Variants in ZNF652 observed in about 807,000 individuals in gnomAD.
ZNF652 encodes zinc finger protein 652.
In ZNF652, 16 loss-of-function variants were observed where a neutral mutation model predicts 45.2. That is an observed-to-expected ratio of 0.35 (90% CI 0.24 to 0.54). The LOEUF (loss-of-function observed/expected upper bound fraction) is 0.54, where lower values mean the gene tolerates loss of function less well. Ranked by LOEUF, ZNF652 falls within the 20% of genes least tolerant of loss-of-function variation. The pLI is 0.91. For synonymous variants in ZNF652, 250 were observed against 260.6 expected, an observed-to-expected ratio of 0.96 and a Z score of 0.39; for missense variants, 614 against 765.6, an observed-to-expected ratio of 0.80 and a Z score of 2.34.
intron 2 of ZNF652, among the ~76,000 whole-genome samples, chr17:49,315,599 C>T (rs1006789053): frequency 6.7e-6 from 1 of 150,306 alleles, no homozygotes; most frequent in Admixed American, 6.6e-5. Flanking sequence ...ATATAAAGAT[C>T]AAGAACGCTT....
At chr17:49,328,074 G>A (rs1317456779) in intron 1 of ZNF652, among the ~76,000 whole-genome samples, 1 of 151,902 alleles carries the variant, frequency 6.6e-6, no homozygotes, top group Admixed American at 6.6e-5. Context: ...GTACAATGGA[G>A]ATAGTCGTAG....
intron 1 of ZNF652, among the ~76,000 whole-genome samples, chr17:49,331,536 C>T (rs760221480): frequency 6.6e-6 from 1 of 151,990 alleles, no homozygotes; most frequent in African/African-American, 2.4e-5. Flanking sequence ...TGATATAATC[C>T]ACTATGAGAG....
At chr17:49,341,608 G>A (rs2070147642) in intron 1 of ZNF652, among the ~76,000 whole-genome samples, 1 of 151,946 alleles carries the variant, frequency 6.6e-6, no homozygotes, top group Middle Eastern at 3.4e-3. Context: ...AGGCTCCAGT[G>A]AGCTGTGACC....
intron 4 of ZNF652, among the ~76,000 whole-genome samples, chr17:49,311,671 G>T (rs1297464277): frequency 6.6e-6 from 1 of 152,166 alleles, no homozygotes; most frequent in Non-Finnish European, 1.5e-5. Flanking sequence ...CGACTTCTCA[G>T]AATCACTGAG....
chr17:49,300,148 T>C (rs987678632), intron 5 of ZNF652, among the ~76,000 whole-genome samples: 1 of 152,184 alleles, frequency 6.6e-6, no homozygotes, highest in Non-Finnish European at 1.5e-5. Context: ...ACAACATGAA[T>C]TTCACACCAC....
rs1164988539 is a variant in ZNF652 at position 49,327,770 on chromosome 17, T to C, written c.-258-9787A>G. On this transcript the variant is annotated intron_variant, in intron 1 of 5. Transcript: ENST00000430262. ...ATATATATATATATATATATATATA[T>C]ATATATATATTTTTTTTTTTTTTTT... 3.2e-3 allele frequency among the ~76,000 whole-genome samples: 15 copies of C among 4,748 alleles called. 1 individual carries two copies. Among genetic ancestry groups the C allele is most frequent in the Non-Finnish European group, 2.7e-3 (6 of 2,258 alleles). The allele number at this position is 4,748 out of a possible 152,430, so 3.1% of individuals were successfully genotyped here.
intron 1 of ZNF652, among the ~76,000 whole-genome samples, chr17:49,340,054 G>A (rs981077043): frequency 1.3e-5 from 2 of 152,126 alleles, no homozygotes; most frequent in African/African-American, 4.8e-5. Context: ...TTTTAAAGAT[G>A]GGAGAAACAG....
chr17:49,324,550 C>A (rs2069935622), intron 1 of ZNF652, among the ~76,000 whole-genome samples: 1 of 150,988 alleles, frequency 6.6e-6, no homozygotes, highest in Non-Finnish European at 1.5e-5. Flanking sequence ...ACCATCACAT[C>A]TTGCTAATTG....
At chr17:49,322,440 C>T (rs569322282) in intron 1 of ZNF652, 1 of 152,298 alleles carries the variant, frequency 6.6e-6, no homozygotes, top group East Asian at 1.9e-4. Flanking sequence ...AAACTCTTTC[C>T]ACTTTATATT....
intron 1 of ZNF652, among the ~76,000 whole-genome samples, chr17:49,324,314 G>C (rs1423689752): frequency 1.3e-5 from 2 of 152,204 alleles, no homozygotes; most frequent in African/African-American, 4.8e-5. Flanking sequence ...TGGCCTAAAG[G>C]AATGTTGTGT....
At chr17:49,307,313 C>G (rs2069642992) in intron 5 of ZNF652, among the ~76,000 whole-genome samples, 1 of 151,106 alleles carries the variant, frequency 6.6e-6, no homozygotes, top group Non-Finnish European at 1.5e-5. Context: ...TGCCTGTAAT[C>G]CCAGCTACTT....
chr17:49,359,331 T>C (rs2070369171), intron 1 of ZNF652, among the ~76,000 whole-genome samples: 1 of 152,240 alleles, frequency 6.6e-6, no homozygotes, highest in Non-Finnish European at 1.5e-5. Context: ...AACTTCAGCA[T>C]GCTTTCAAAC....
intron 5 of ZNF652, among the ~76,000 whole-genome samples, chr17:49,303,564 T>C (rs2069584639): frequency 6.6e-6 from 1 of 152,056 alleles, no homozygotes; most frequent in Non-Finnish European, 1.5e-5. Flanking sequence ...CTAAATTAAA[T>C]ATGATTTACT....
chr17:49,348,674 C>T (rs2070237593), intron 1 of ZNF652, among the ~76,000 whole-genome samples: 2 of 152,084 alleles, frequency 1.3e-5, no homozygotes. Context: ...GGGACATACA[C>T]ATACTGACTG....
At chr17:49,347,672 G>T (rs1297461715) in intron 1 of ZNF652, among the ~76,000 whole-genome samples, 1 of 149,662 alleles carries the variant, frequency 6.7e-6, no homozygotes, top group Admixed American at 6.7e-5. Context: ...ATATCTCCTA[G>T]AATTATACAC....
chr17:49,356,478 A>AC (rs1291008885), intron 1 of ZNF652, among the ~76,000 whole-genome samples: 2 of 151,314 alleles, frequency 1.3e-5, no homozygotes, highest in African/African-American at 4.9e-5. Flanking sequence ...AACAAAAAAA[A>AC]CCCCTCCTCA....
chr17:49,325,599 G>C (rs934521067), intron 1 of ZNF652, among the ~76,000 whole-genome samples: 2 of 151,732 alleles, frequency 1.3e-5, no homozygotes, highest in African/African-American at 2.4e-5. Flanking sequence ...TTAGCAAAGT[G>C]CAATAAAACA....
rs2070408490 is a variant in ZNF652, at chr17:49,362,232, G to T, written c.-582C>A. 6.6e-6 allele frequency: 1 copy of T among 150,692 alleles called. No individual in the cohort carries two copies. The highest frequency in any genetic ancestry group is 1.9e-4 in the South Asian group (1 of 5,290). 9.3% of individuals were successfully genotyped at this position (150,692 alleles called of 1,614,324 possible). The stretch of plus-strand genomic sequence containing the variant: ...GTGTGTGGATGTGTGTGCCGGAGGG[G>T]GCAGGGAGGGAGGCGAGCGGCGGCG... On this transcript the variant is annotated 5_prime_UTR_variant, in exon 1 of 6. Coordinates refer to ENST00000430262, the MANE Select transcript of ZNF652 (RefSeq NM_001145365.3).
rs1205608972 is a variant in ZNF652 at position 49,297,197 on chromosome 17, G to C, written c.*1216C>G. On this transcript the variant is annotated 3_prime_UTR_variant, in exon 6 of 6. Coordinates refer to ENST00000430262, the MANE Select transcript of ZNF652 (RefSeq NM_001145365.3). ...CCACTATCAGCAATGTCATGTTTGTGATTTTAAGTTTACTATTTTAGCTTC... is the reference window on the plus strand; with the variant it reads ...CCACTATCAGCAATGTCATGTTTGTCATTTTAAGTTTACTATTTTAGCTTC... 6.6e-6 allele frequency: 1 copy of C among 152,278 alleles called. No homozygotes were observed. Among genetic ancestry groups the C allele is most frequent in the African/African-American group, 2.4e-5 (1 of 41,416 alleles). The allele number at this position is 152,278 out of a possible 1,614,324, so 9.4% of individuals were successfully genotyped here. A position where few individuals can be genotyped will look rare whatever the true frequency, so the allele number is the denominator to read the frequency against.
Sources: gnomAD v4.1 joint callset for allele counts (sites outside exome capture counted in the v4.1 genomes callset) on GRCh38, gnomAD v4.1.1 for gene constraint, MANE v1.5 for transcripts, NCBI Gene and HGNC (gene_info 2026-07-23, HGNC 2026-07-21) for gene names.